PTGES: variants seen among roughly 807,000 people sequenced by gnomAD.
PTGES encodes MGST1-like 1.
PTGES carries 3 observed loss-of-function variants against 11.8 expected under a neutral mutation model. The ratio of observed to expected loss-of-function variants is 0.25; its 90% CI spans 0.12 to 0.66. The LOEUF (loss-of-function observed/expected upper bound fraction) is 0.66, where lower values mean the gene tolerates loss of function less well. Ranked by LOEUF, PTGES falls within the 30% of genes least tolerant of loss-of-function variation. The probability of loss-of-function intolerance (pLI) is 0.82; values close to 1 mark genes in which losing one functional copy is unlikely to be tolerated. For missense variants in PTGES, 180 were observed against 213.0 expected (o/e 0.85, Z 0.96); for synonymous variants, 94 against 90.4 (o/e 1.04, Z -0.22).
At chr9:129,743,527 C>T (rs1388695068) in intron 2 of PTGES, among the ~76,000 whole-genome samples, 2 of 152,222 alleles carry the variant, frequency 1.3e-5, no homozygotes, top group African/African-American at 4.8e-5. Context: ...ACACCAGCTG[C>T]ATTTTCCTGC....
intron 2 of PTGES, among the ~76,000 whole-genome samples, chr9:129,747,012 A>G (rs917908738): frequency 6.6e-6 from 1 of 152,174 alleles, no homozygotes; most frequent in Non-Finnish European, 1.5e-5. Flanking sequence ...TCCTGGGTTC[A>G]TGCCATTCTC....
intron 2 of PTGES, among the ~76,000 whole-genome samples, chr9:129,746,508 C>T (rs1833049552): frequency 6.6e-6 from 1 of 152,152 alleles, no homozygotes; most frequent in South Asian, 2.1e-4. Context: ...ATTTCACTTC[C>T]TACATGACAC....
At chr9:129,747,550 T>C (rs958087521) in intron 2 of PTGES, among the ~76,000 whole-genome samples, 1 of 152,164 alleles carries the variant, frequency 6.6e-6, no homozygotes, top group Non-Finnish European at 1.5e-5. Context: ...AAATGTGATA[T>C]AAATTTTCAC....
intron 2 of PTGES, among the ~76,000 whole-genome samples, chr9:129,743,257 G>T (rs534218638): frequency 3.9e-5 from 6 of 152,324 alleles, no homozygotes; most frequent in African/African-American, 1.4e-4. Context: ...CCCCTCCGAG[G>T]CCGCAGTGGC....
At chr9:129,740,608 T>C (rs773070343) in intron 2 of PTGES, among the ~76,000 whole-genome samples, 4 of 152,168 alleles carry the variant, frequency 2.6e-5, no homozygotes, top group Non-Finnish European at 5.9e-5. Context: ...TGTGCATATG[T>C]GTGGTGGGGG....
rs562976514 is a variant in PTGES, at chr9:129,750,118, C to G, written c.127-1381G>C. ...ACTTTCTCTCATTGGAAAGCAGAGACATAAAGTCACACTGAGATCATCAGA... is the reference window on the plus strand; with the variant it reads ...ACTTTCTCTCATTGGAAAGCAGAGAGATAAAGTCACACTGAGATCATCAGA... On this transcript the variant is annotated intron_variant, in intron 1 of 2. Coordinates refer to ENST00000340607, the MANE Select transcript of PTGES (RefSeq NM_004878.5). Among the ~76,000 whole-genome samples the G allele has an allele frequency of 2.9e-4, 44 of 152,314 alleles. 1 individual carries two copies. In the South Asian group the frequency reaches 9.1e-3, roughly 32 times the overall value.
rs577551023 is a variant in PTGES, at chr9:129,746,262, G to A, written c.209+2393C>T. Among the ~76,000 whole-genome samples the A allele has an allele frequency of 5.3e-5, 8 of 152,196 alleles. No homozygotes were observed. In the East Asian group the frequency reaches 9.7e-4, roughly 18 times the overall value. On this transcript the variant is annotated intron_variant, in intron 2 of 2. Transcript: ENST00000340607. ...TTGGTGGCTGCTGTGAGCTGGCCCC[G>A]GGCAACCCACCGTCCTGGCCTCCTG... is the stretch of plus-strand genomic sequence containing the variant.
Position 129,748,692 on chromosome 9 carries a change from A to G in PTGES, c.172T>C (p.Tyr58His). Residue 58 changes from tyrosine to histidine, a missense_variant, in exon 2 of 3, where the codon TAT becomes CAT. Tyr to His is a moderately conservative substitution (Grantham distance 83). Transcript: ENST00000340607. The part of the protein sequence containing the change: ...EDALRHGGPQ[Y>H]CRSDPDVERC... ...TCCACGTCGGGGTCGCTCCTGCAAT[A>G]CTGGGGGCCTCCGTGTCTCAGGGCA... 1 of 1,587,770 alleles carries G rather than the reference A, an allele frequency of 6.3e-7. No homozygotes were observed. Among genetic ancestry groups the G allele is most frequent in the Non-Finnish European group, 8.5e-7 (1 of 1,170,430 alleles).
Position 129,738,632 on chromosome 9 carries a change from C to G in PTGES, c.*979G>C, listed in dbSNP as rs914634210. The G allele has an allele frequency of 2.0e-5, 3 of 152,382 alleles. No homozygotes were observed. The highest frequency in any genetic ancestry group is 2.9e-5 in the Non-Finnish European group (2 of 68,200). The allele number at this position is 152,382 out of a possible 1,614,324, so 9.4% of individuals were successfully genotyped here. A position where few individuals can be genotyped will look rare whatever the true frequency, so the allele number is the denominator to read the frequency against. ...TGAGCTTCCTGTGGGCCCCTCCCACCCACACCTGAGCCAGAGAGAAGACTG... is the reference window on the plus strand; with the variant it reads ...TGAGCTTCCTGTGGGCCCCTCCCACGCACACCTGAGCCAGAGAGAAGACTG... On this transcript the variant is annotated 3_prime_UTR_variant, in exon 3 of 3. Coordinates refer to ENST00000340607, the MANE Select transcript of PTGES (RefSeq NM_004878.5). The surrounding 1 kb of genome is among the most constrained non-coding windows in gnomAD (Gnocchi z 4.2).
At chr9:129,752,810 T>C (rs1833127415) in intron 1 of PTGES, 77 bp downstream of exon 1, 1 of 1,608,436 alleles carries the variant, frequency 6.2e-7, no homozygotes. Context: ...CATGTTTCCC[T>C]ATCCCGGGGC....
intron 1 of PTGES, 59 bp from the exon 2 acceptor site, chr9:129,748,796 CTAT>C: frequency 7.0e-7 from 1 of 1,424,732 alleles, no homozygotes; most frequent in Non-Finnish European, 9.7e-7. Context: ...TCACCTGGGG[CTAT>C]GTTTTGTCCA....
rs1832977918 is a variant in PTGES, at chr9:129,739,804, T to G, written c.266A>C (p.Tyr89Ser). 6.4e-7 allele frequency: 1 copy of G among 1,570,644 alleles called. No homozygotes were observed. Among genetic ancestry groups the G allele is most frequent in the African/African-American group, 1.4e-5 (1 of 73,534 alleles). ...IYPFLFLGFVYSFLGPNPFVA... is the reference protein window; with the variant it reads ...IYPFLFLGFVSSFLGPNPFVA... ...AAAAGGGTTAGGACCCAGAAAGGAG[T>G]AGACGAAGCCCAGGAAAAGGAAGGG... is the stretch of plus-strand genomic sequence containing the variant. Residue 89 changes from tyrosine to serine, a missense_variant, in exon 3 of 3, where the codon TAC becomes TCC. By Grantham distance (144) the Tyr-to-Ser change is moderately radical. Transcript: ENST00000340607. This position sits in a 1 kb window ranked among gnomAD's most constrained non-coding sequence, Gnocchi z 5.7.
chr9:129,746,173 G>A (rs1010261795), intron 2 of PTGES, among the ~76,000 whole-genome samples: 1 of 152,054 alleles, frequency 6.6e-6, no homozygotes, highest in Non-Finnish European at 1.5e-5. Context: ...GTGCCACATT[G>A]TGCCACATGA....
intron 2 of PTGES, among the ~76,000 whole-genome samples, chr9:129,743,495 T>C (rs4837405): frequency 0.2 from 30,709 of 152,174 alleles, 4,159 homozygotes; most frequent in African/African-American, 0.38. Flanking sequence ...CAGGCCTGCC[T>C]TCACCCTCCA....
rs1204789030 is a variant in PTGES at position 129,739,983 on chromosome 9, A to C, written c.210-123T>G. On this transcript the variant is annotated intron_variant, in intron 2 of 2. Transcript: ENST00000340607. The surrounding 1 kb of genome is among the most constrained non-coding windows in gnomAD (Gnocchi z 5.7). ...GGGGGTCATTTCAGGCATATCACAC[A>C]CTCAAATCCATTCACAGCCAGGTCA... The C allele has an allele frequency of 8.3e-7, 1 of 1,200,410 alleles. No individual in the cohort carries two copies. Among genetic ancestry groups the C allele is most frequent in the African/African-American group, 1.5e-5 (1 of 64,828 alleles). The allele number at this position is 1,200,410 out of a possible 1,614,324, so 74.4% of individuals were successfully genotyped here.
chr9:129,752,613 G>C (rs1833123974), intron 1 of PTGES, among the ~76,000 whole-genome samples: 1 of 152,262 alleles, frequency 6.6e-6, no homozygotes, highest in Non-Finnish European at 1.5e-5. Context: ...TCCAGAACCT[G>C]CTTCTCTCAC....
chr9:129,742,916 G>A (rs1331597860), intron 2 of PTGES, among the ~76,000 whole-genome samples: 1 of 152,166 alleles, frequency 6.6e-6, no homozygotes, highest in Middle Eastern at 3.4e-3. Flanking sequence ...GCTGTTAAGA[G>A]AATCATAGTA....
chr9:129,751,971 T>C lies in PTGES; in HGVS notation c.126+916A>G, dbSNP rs575435609. On this transcript the variant is annotated intron_variant, in intron 1 of 2. Transcript: ENST00000340607. ...GCCAAGGCAGGGAGAAGTCAGAAGC[T>C]ATCAGTGTGCTGTAGCCTCCGGGCA... Among the ~76,000 whole-genome samples the C allele has an allele frequency of 1.8e-4, 27 of 152,306 alleles. No individual in the cohort carries two copies. In the South Asian group the frequency reaches 3.3e-3, roughly 19 times the overall value.
chr9:129,739,679 T>C lies in PTGES; in HGVS notation c.391A>G (p.Thr131Ala). 8 of 1,561,996 alleles carry C rather than the reference T, an allele frequency of 5.1e-6. No homozygotes were observed. Among genetic ancestry groups the C allele is most frequent in the Non-Finnish European group, 6.9e-6 (8 of 1,153,108 alleles). Reference protein sequence around the residue: ...LRAPIRSVTYTLAQLPCASMA... With the variant: ...LRAPIRSVTYALAQLPCASMA... Reference sequence around the variant, plus strand: ...GAGGCGCAGGGGAGCTGGGCCAGGGTGTAGGTCACGGAGCGGATGGGTGCC... The same window carrying C: ...GAGGCGCAGGGGAGCTGGGCCAGGGCGTAGGTCACGGAGCGGATGGGTGCC... Residue 131 changes from threonine to alanine, a missense_variant, in exon 3 of 3, where the codon ACC becomes GCC. Transcript: ENST00000340607. The surrounding 1 kb of genome is among the most constrained non-coding windows in gnomAD (Gnocchi z 5.7).
Sources: gnomAD v4.1 joint callset for allele counts (sites outside exome capture counted in the v4.1 genomes callset) on GRCh38, gnomAD v4.1.1 for gene constraint, Gnocchi (gnomAD v3.1) non-coding constraint, MANE v1.5 for transcripts, NCBI Gene and HGNC (gene_info 2026-07-23, HGNC 2026-07-21) for gene names.